Variants in ALG12 observed in about 807,000 individuals in gnomAD.
ALG12 encodes dol-P-Man:Man(7)GlcNAc(2)-PP-Dol alpha-1,6-mannosyltransferase.
ALG12 carries 36 observed loss-of-function variants against 46.0 expected under a neutral mutation model. That is an observed-to-expected ratio of 0.78 (90% CI 0.60 to 1.03). ALG12 has a LOEUF of 1.03. ALG12 is among the 50% of genes least tolerant of loss of function. ALG12 has a pLI of 0.00. For missense variants in ALG12, 599 were observed against 633.5 expected (o/e 0.95, Z 0.58); for synonymous variants, 326 against 291.6 (o/e 1.12, Z -1.20).
At chr22:49,907,317 A>G (rs2060547980) in intron 7 of ALG12, among the ~76,000 whole-genome samples, 1 of 152,154 alleles carries the variant, frequency 6.6e-6, no homozygotes, top group African/African-American at 2.4e-5. Context: ...GTGCATCACC[A>G]TATGTGGACC....
In ALG12 at chr22:49,913,492, A is replaced by G; in HGVS notation, c.188T>C (p.Val63Ala). 1 of 1,613,860 alleles carries G rather than the reference A, an allele frequency of 6.2e-7. No individual in the cohort carries two copies. The highest frequency in any genetic ancestry group is 8.5e-7 in the Non-Finnish European group (1 of 1,180,036). Reference sequence around the variant, plus strand: ...TGGCCCGAGGAACGTCCTGGGGACGACTCCGGGGAACTCAAGATGGTCGTA... The same window carrying G: ...TGGCCCGAGGAACGTCCTGGGGACGGCTCCGGGGAACTCAAGATGGTCGTA... ...EQYDHLEFPG[V>A]VPRTFLGPVV... The change falls in exon 3 of 10, where the codon GTC (valine) becomes GCC (alanine). Residue 63 changes from valine to alanine, a missense_variant. By Grantham distance (64) the Val-to-Ala change is moderately conservative (BLOSUM62 0). Transcript: ENST00000330817.
At chr22:49,862,131 G>A in the ALG12 span, among the ~76,000 whole-genome samples, 1 of 152,238 alleles carries the variant, frequency 6.6e-6, no homozygotes, top group Admixed American at 6.5e-5. Context: ...TGAATTGGAT[G>A]TAGCACGGAG....
At chr22:49,916,496 C>T (rs373277300) in intron 1 of ALG12, among the ~76,000 whole-genome samples, 6 of 152,148 alleles carry the variant, frequency 3.9e-5, no homozygotes, top group Admixed American at 1.3e-4. Flanking sequence ...AGGAGAATTG[C>T]TTGAACTCGG....
At chr22:49,879,657 G>C in the ALG12 span, among the ~76,000 whole-genome samples, 1 of 103,414 alleles carries the variant, frequency 9.7e-6, no homozygotes. Context: ...CTATTGGTTG[G>C]TTTTTCTCCT....
chr22:49,881,873 T>C, the ALG12 span, among the ~76,000 whole-genome samples: 4 of 152,322 alleles, frequency 2.6e-5, no homozygotes, highest in East Asian at 7.7e-4. Flanking sequence ...GGCTGTACTT[T>C]GTAGAACTTA....
chr22:49,881,678 G>A, the ALG12 span, among the ~76,000 whole-genome samples: 2 of 152,022 alleles, frequency 1.3e-5, no homozygotes, highest in African/African-American at 4.8e-5. Flanking sequence ...CACCATACTT[G>A]GCATTTTTTG....
the ALG12 span, chr22:49,885,125 AGAAGGGTGATGT>A: frequency 1.2e-6 from 2 of 1,614,194 alleles, no homozygotes; most frequent in South Asian, 2.2e-5. Context: ...AGCCGGGGGA[AGAAGGGTGATGT>A]GGGCACCAGC....
the ALG12 span, among the ~76,000 whole-genome samples, chr22:49,892,800 C>T: frequency 2.6e-5 from 4 of 152,102 alleles, no homozygotes; most frequent in Non-Finnish European, 4.4e-5. Flanking sequence ...AACATCAGAG[C>T]TCCTATAACT....
chr22:49,871,316 G>A, the ALG12 span, among the ~76,000 whole-genome samples: 22 of 152,018 alleles, frequency 1.4e-4, no homozygotes, highest in African/African-American at 5.1e-4. Flanking sequence ...GTGAAACCCC[G>A]TCACTACTAA....
At chr22:49,897,663 CTTTTTTTT>C (rs146468551), downstream of ALG12, among the ~76,000 whole-genome samples, 1 of 103,656 alleles carries the variant, frequency 9.6e-6, no homozygotes, top group East Asian at 2.7e-4. Flanking sequence ...CCCATGTTTT[CTTTTTTTT>C]TTTTTTTTTT....
intron 3 of ALG12, among the ~76,000 whole-genome samples, chr22:49,910,879 G>A (rs1257425237): frequency 6.6e-6 from 1 of 152,162 alleles, no homozygotes; most frequent in Non-Finnish European, 1.5e-5. Flanking sequence ...CACAACTTGG[G>A]GGTGCCACGA....
At chr22:49,883,737 A>G in the ALG12 span, 1 of 1,611,562 alleles carries the variant, frequency 6.2e-7, no homozygotes, top group South Asian at 1.1e-5. Flanking sequence ...TTAAAATAGA[A>G]GAGGAAGATG....
chr22:49,897,872 GATGGTCTCAACCTCCT>G (rs2060489897), downstream of ALG12, among the ~76,000 whole-genome samples: 2 of 151,732 alleles, frequency 1.3e-5, no homozygotes, highest in Non-Finnish European at 2.9e-5. Flanking sequence ...TGTTAGCCAG[GATGGTCTCAACCTCCT>G]GACCTCGTGA....
chr22:49,908,361 C>G (rs570856378), intron 6 of ALG12, among the ~76,000 whole-genome samples: 1 of 138,452 alleles, frequency 7.2e-6, no homozygotes, highest in South Asian at 2.5e-4. Context: ...AACCCTGTCT[C>G]TACTACAAAT....
At chr22:49,899,980 G>A (rs573925101), downstream of ALG12, among the ~76,000 whole-genome samples, 9 of 152,214 alleles carry the variant, frequency 5.9e-5, no homozygotes, top group East Asian at 1.5e-3. Context: ...GCAACACAGC[G>A]AGACCCCATC....
Position 49,901,751 on chromosome 22 carries a change from CGTG to C in ALG12, c.*2084_*2086del, listed in dbSNP as rs2060507601. ...ATGGTGTGCACGTGCATTGTGCATG[CGTG>C]GTGTATGCATGGTAATGTGCACGTG... On this transcript the variant is annotated 3_prime_UTR_variant, in exon 10 of 10. Coordinates refer to ENST00000330817, the MANE Select transcript of ALG12 (RefSeq NM_024105.4). 1.4e-5 allele frequency: 1 copy of C among 73,270 alleles called. No homozygotes were observed. Among genetic ancestry groups the C allele is most frequent in the Non-Finnish European group, 2.3e-5 (1 of 44,406 alleles). The allele number at this position is 73,270 out of a possible 1,614,324, so 4.5% of individuals were successfully genotyped here. A position where few individuals can be genotyped will look rare whatever the true frequency, so the allele number is the denominator to read the frequency against.
Position 49,913,788 on chromosome 22 carries a change from C to A in ALG12, c.-23G>T. On this transcript the variant is annotated 5_prime_UTR_variant, in exon 2 of 10. Transcript: ENST00000330817. ...CATTCCAGGCTTTCAGCTTCACGTA[C>A]CTTCACAGGCCAACAGTGCGAGACA... 1.2e-6 allele frequency: 2 copies of A among 1,612,150 alleles called. No homozygotes were observed. The highest frequency in any genetic ancestry group is 8.5e-7 in the Non-Finnish European group (1 of 1,180,034).
At chr22:49,914,227 A>C (rs763887477) in intron 1 of ALG12, among the ~76,000 whole-genome samples, 1 of 152,218 alleles carries the variant, frequency 6.6e-6, no homozygotes, top group Non-Finnish European at 1.5e-5. Flanking sequence ...AAGAAGACGG[A>C]ATGGGAGGCT....
At chr22:49,898,625 G>C (rs1354880131), downstream of ALG12, among the ~76,000 whole-genome samples, 1 of 152,050 alleles carries the variant, frequency 6.6e-6, no homozygotes, top group Non-Finnish European at 1.5e-5. Flanking sequence ...CCTGAACTCA[G>C]GTGATCCACT....
Sources: gnomAD v4.1 joint callset for allele counts (sites outside exome capture counted in the v4.1 genomes callset) on GRCh38, gnomAD v4.1.1 for gene constraint, MANE v1.5 for transcripts, NCBI Gene and HGNC (gene_info 2026-07-23, HGNC 2026-07-21) for gene names.